Variants in ABCA10 observed in about 807,000 individuals in gnomAD.
ABCA10 encodes the protein ATP-binding cassette sub-family A member 10.
Under a neutral mutation model 187.5 loss-of-function variants are expected in ABCA10, and 169 were observed. The ratio of observed to expected loss-of-function variants is 0.90; its 90% CI spans 0.80 to 1.02. The LOEUF is 1.02. ABCA10 is among the 50% of genes least tolerant of loss of function. ABCA10 has a pLI of 0.00. For synonymous variants in ABCA10, 574 were observed against 601.8 expected, an observed-to-expected ratio of 0.95 and a Z score of 0.68; for missense variants, 1,727 against 1,812.4, an observed-to-expected ratio of 0.95 and a Z score of 0.86.
rs372285641 is a variant in ABCA10, at chr17:69,148,817, G to A, written c.*10C>T. ...AGGACCTAAAATTGAATGTTAGGAGGTTCTTCATTTTAAGGGTCTTCCTGT... is the reference window on the plus strand; with the variant it reads ...AGGACCTAAAATTGAATGTTAGGAGATTCTTCATTTTAAGGGTCTTCCTGT... On this transcript the variant is annotated 3_prime_UTR_variant, in exon 39 of 39. Transcript: ENST00000690296. 4 of 1,603,720 alleles carry A rather than the reference G, an allele frequency of 2.5e-6. No individual in the cohort carries two copies. The highest frequency in any genetic ancestry group is 2.2e-5 in the East Asian group (1 of 44,814).
chr17:69,227,028 T>C (rs1176450170), intron 2 of ABCA10, 117 bp downstream of exon 2: 2 of 151,398 alleles, frequency 1.3e-5, no homozygotes, highest in Non-Finnish European at 3.0e-5. Context: ...CTAGCCAGTA[T>C]GATAATTAAA....
chr17:69,150,371 T>C (rs1460727936), intron 36 of ABCA10: 1 of 207,548 alleles, frequency 4.8e-6, no homozygotes, highest in East Asian at 1.2e-4. Flanking sequence ...GCAACCTTTC[T>C]AGAATGTTTA....
At chr17:69,233,225 C>G (rs1266574201), upstream of ABCA10, 2 of 152,284 alleles carry the variant, frequency 1.3e-5, no homozygotes, top group African/African-American at 4.8e-5. Context: ...GTTGTTCCAT[C>G]AATTCCATAA....
At position 69,155,897 on chromosome 17, in the gene ABCA10, G is replaced by A. The variant is rs2074170545; in HGVS notation, c.3484C>T (p.Pro1162Ser). The A allele has an allele frequency of 4.3e-6, 7 of 1,613,564 alleles. No individual in the cohort carries two copies. Among genetic ancestry groups the A allele is most frequent in the South Asian group, 1.1e-5 (1 of 91,066 alleles). ...RISPRSRETH[P>S]NPEEPEEEDE... Reference sequence around the variant, plus strand: ...TCTTCTTCGGGCTCTTCCGGATTGGGATGAGTTTCTCTACTCCGTGGAGAG... The same window carrying A: ...TCTTCTTCGGGCTCTTCCGGATTGGAATGAGTTTCTCTACTCCGTGGAGAG... Residue 1162 changes from proline to serine, a missense_variant, in exon 29 of 39, where the codon CCC (proline) becomes TCC (serine). Physicochemically the swap from Pro to Ser is moderately conservative, Grantham distance 74. Transcript: ENST00000690296.
At chr17:69,187,427 C>G (rs546952265) in intron 19 of ABCA10, among the ~76,000 whole-genome samples, 1 of 152,092 alleles carries the variant, frequency 6.6e-6, no homozygotes, top group Non-Finnish European at 1.5e-5. Context: ...CACAGGGAGA[C>G]AGATTTGAGC....
At chr17:69,172,263 C>T (rs929296287) in intron 25 of ABCA10, among the ~76,000 whole-genome samples, 1 of 152,006 alleles carries the variant, frequency 6.6e-6, no homozygotes, top group African/African-American at 2.4e-5. Flanking sequence ...TTTGCCTCCC[C>T]AAAATATATA....
At chr17:69,153,249 CA>C in intron 34 of ABCA10, 55 bp downstream of exon 34, 3 of 1,526,528 alleles carry the variant, frequency 2.0e-6, no homozygotes, top group Non-Finnish European at 1.8e-6. Context: ...AAAACAAAAA[CA>C]AAATATCCTA....
chr17:69,155,843 G>A lies in ABCA10; in HGVS notation c.3538C>T (p.Gln1180Ter). 2 of 1,613,698 alleles carry A rather than the reference G, an allele frequency of 1.2e-6. No homozygotes were observed. Among genetic ancestry groups the A allele is most frequent in the Non-Finnish European group, 1.7e-6 (2 of 1,179,740 alleles). The part of the protein sequence containing the change: ...EDEDVQAERV[Q>*]AANALTAPNL... The stretch of plus-strand genomic sequence containing the variant: ...GGAGCAGTGAGTGCATTTGCTGCTT[G>A]GACTCTTTCAGCTTGAACATCTTCA... Residue 1180 changes from glutamine (Q) to a stop codon, truncating the protein, a stop_gained, in exon 29 of 39, where the codon CAA becomes TAA. Transcript: ENST00000690296. LOFTEE classifies it high-confidence loss of function.
chr17:69,177,373 A>T (rs1451266563), intron 22 of ABCA10, among the ~76,000 whole-genome samples: 1 of 152,110 alleles, frequency 6.6e-6, no homozygotes, highest in African/African-American at 2.4e-5. Flanking sequence ...CTCTTCCTGT[A>T]TGCTGGTCCA....
chr17:69,202,783 CTATT>C (rs2074557341), intron 9 of ABCA10, among the ~76,000 whole-genome samples: 1 of 147,864 alleles, frequency 6.8e-6, no homozygotes, highest in African/African-American at 2.5e-5. Flanking sequence ...ATGGACATAT[CTATT>C]AGAGTAGAGA....
At position 69,148,714 on chromosome 17, in the gene ABCA10, T is replaced by C; in HGVS notation, c.*113A>G. On this transcript the variant is annotated 3_prime_UTR_variant, in exon 39 of 39. Coordinates refer to ENST00000690296, the MANE Select transcript of ABCA10 (RefSeq NM_001377321.1). Reference sequence around the variant, plus strand: ...AATGAAAACTGTAATCATTATTGAATGTTTATTAAATGTTTTCTTTTGTTA... The same window carrying C: ...AATGAAAACTGTAATCATTATTGAACGTTTATTAAATGTTTTCTTTTGTTA... The C allele has an allele frequency of 2.2e-6, 2 of 896,014 alleles. No individual in the cohort carries two copies. Among genetic ancestry groups the C allele is most frequent in the East Asian group, 2.6e-5 (1 of 38,574 alleles). The allele number at this position is 896,014 out of a possible 1,614,324, so 55.5% of individuals were successfully genotyped here.
At chr17:69,197,193 A>G (rs1293917203) in intron 10 of ABCA10, 71 bp from the exon 11 acceptor site, 18 of 1,231,032 alleles carry the variant, frequency 1.5e-5, no homozygotes, top group Non-Finnish European at 1.9e-5. Flanking sequence ...ACAGTTCATA[A>G]CTAAGCCTGA....
intron 1 of ABCA10, among the ~76,000 whole-genome samples, chr17:69,240,167 T>A (rs1415895483): frequency 6.6e-6 from 1 of 152,176 alleles, no homozygotes; most frequent in East Asian, 1.9e-4. Flanking sequence ...CCATGCACAT[T>A]CTCCTAGCTC....
chr17:69,161,128 T>C (rs977215077), intron 27 of ABCA10, among the ~76,000 whole-genome samples: 1 of 152,136 alleles, frequency 6.6e-6, no homozygotes, highest in Non-Finnish European at 1.5e-5. Context: ...TTGAGAACAT[T>C]ATACAGAGTG....
At chr17:69,212,029 GTTTGTT>G in intron 9 of ABCA10, among the ~76,000 whole-genome samples, 1 of 151,996 alleles carries the variant, frequency 6.6e-6, no homozygotes, top group South Asian at 2.1e-4. Context: ...TTTGGGTTTG[GTTTGTT>G]TTTGTTTCTC....
At chr17:69,169,437 C>T (rs2074279698) in intron 25 of ABCA10, among the ~76,000 whole-genome samples, 2 of 152,170 alleles carry the variant, frequency 1.3e-5, no homozygotes, top group African/African-American at 4.8e-5. Flanking sequence ...GTAAAGATAT[C>T]ATTTCTCCCC....
At chr17:69,199,444 T>C (rs980467199) in intron 10 of ABCA10, among the ~76,000 whole-genome samples, 3 of 152,230 alleles carry the variant, frequency 2.0e-5, no homozygotes, top group African/African-American at 7.2e-5. Context: ...AAAGAGTTCC[T>C]GGTTTCAGGC....
At position 69,228,822 on chromosome 17, in the gene ABCA10, A is replaced by T. The variant is rs989619622; in HGVS notation, c.-554T>A. 6.6e-6 allele frequency: 1 copy of T among 151,988 alleles called. No homozygotes were observed. Among genetic ancestry groups the T allele is most frequent in the South Asian group, 2.1e-4 (1 of 4,826 alleles). 9.4% of individuals were successfully genotyped at this position (151,988 alleles called of 1,614,324 possible). A position where few individuals can be genotyped will look rare whatever the true frequency, so the allele number is the denominator to read the frequency against. On this transcript the variant is annotated 5_prime_UTR_variant, in exon 1 of 39. Coordinates refer to ENST00000690296, the MANE Select transcript of ABCA10 (RefSeq NM_001377321.1). ...AGTTACTCTTCAGAGAGTGTAATGA[A>T]TTGTTGGCTGAGCGCATCATTGGTA...
At position 69,155,924 on chromosome 17, in the gene ABCA10, T is replaced by C. The variant is rs538557529; in HGVS notation, c.3457A>G (p.Ile1153Val). 3 of 1,612,086 alleles carry C rather than the reference T, an allele frequency of 1.9e-6. No homozygotes were observed. Among genetic ancestry groups the C allele is most frequent in the Admixed American group, 1.7e-5 (1 of 59,742 alleles). The change falls in exon 29 of 39, where the codon ATC (isoleucine) becomes GTC (valine). Residue 1153 changes from isoleucine (I) to valine (V), a missense_variant and splice_region_variant. Ile to Val is a conservative substitution (Grantham distance 29, BLOSUM62 3). Transcript: ENST00000690296. Reference sequence around the variant, plus strand: ...TGAGTTTCTCTACTCCGTGGAGAGATTCTACAGAGGAAATAAAATAACATA... The same window carrying C: ...TGAGTTTCTCTACTCCGTGGAGAGACTCTACAGAGGAAATAAAATAACATA... Reference protein sequence around the residue: ...EIMNKDPVFRISPRSRETHPN... With the variant: ...EIMNKDPVFRVSPRSRETHPN...
Sources: gnomAD v4.1 joint callset for allele counts (sites outside exome capture counted in the v4.1 genomes callset) on GRCh38, gnomAD v4.1.1 for gene constraint, MANE v1.5 for transcripts, NCBI Gene and HGNC (gene_info 2026-07-23, HGNC 2026-07-21) for gene names.